Variants in SGCZ observed in about 807,000 individuals in gnomAD.
SGCZ encodes zeta-sarcoglycan.
SGCZ carries 40 observed loss-of-function variants against 41.3 expected under a neutral mutation model. The observed-to-expected ratio is 0.97, with a 90% CI of 0.75 to 1.26. The LOEUF is 1.26. SGCZ is among the 50% of genes most tolerant of loss of function. The pLI is 0.00. For missense variants in SGCZ, 552 were observed against 369.8 expected (o/e 1.49, Z -4.04); for synonymous variants, 206 against 137.5 (o/e 1.50, Z -3.49).
intron 3 of SGCZ, 73 bp from the exon 4 acceptor site, chr8:14,237,752 T>A: frequency 1.3e-5 from 17 of 1,350,390 alleles, no homozygotes; most frequent in Non-Finnish European, 1.8e-5. Context: ...TATACTGCAT[T>A]TGTTTGGATA....
intron 1 of SGCZ, among the ~76,000 whole-genome samples, chr8:14,883,835 T>C (rs1303490732): frequency 1.3e-5 from 2 of 151,524 alleles, no homozygotes; most frequent in African/African-American, 4.8e-5. Context: ...GTTGTTGTTG[T>C]TGTTTGTTTC....
At chr8:14,323,823 C>T (rs1802007283) in intron 3 of SGCZ, among the ~76,000 whole-genome samples, 2 of 152,046 alleles carry the variant, frequency 1.3e-5, no homozygotes, top group African/African-American at 4.8e-5. Context: ...TTTACTGTAA[C>T]TTTATATTTT....
intron 2 of SGCZ, among the ~76,000 whole-genome samples, chr8:14,451,636 ACT>A (rs1352852642): frequency 1.3e-5 from 2 of 152,152 alleles, no homozygotes; most frequent in Non-Finnish European, 2.9e-5. Context: ...AACTCTTAAA[ACT>A]CTATGCTAAG....
At chr8:15,179,882 C>A (rs1800115573) in intron 1 of SGCZ, among the ~76,000 whole-genome samples, 1 of 152,186 alleles carries the variant, frequency 6.6e-6, no homozygotes, top group South Asian at 2.1e-4. Flanking sequence ...ATAAGCTAAA[C>A]TGTACCACAC....
At chr8:14,560,481 C>G (rs1167579731) in intron 1 of SGCZ, among the ~76,000 whole-genome samples, 1 of 151,990 alleles carries the variant, frequency 6.6e-6, no homozygotes, top group Non-Finnish European at 1.5e-5. Flanking sequence ...TAGGAGAAAG[C>G]TGAAGACTGA....
rs1801514276 is a variant in SGCZ, at chr8:14,086,060, T to C, written c.*4383A>G. On this transcript the variant is annotated 3_prime_UTR_variant, in exon 8 of 8. Transcript: ENST00000382080. ...TTTCCTTTGTGATAATGATATTTTGTAGTGTTCATTACTGTAATATACACC... is the reference window on the plus strand; with the variant it reads ...TTTCCTTTGTGATAATGATATTTTGCAGTGTTCATTACTGTAATATACACC... Among the ~76,000 whole-genome samples the C allele has an allele frequency of 6.6e-6, 1 of 151,730 alleles. No homozygotes were observed. The highest frequency in any genetic ancestry group is 2.1e-4 in the South Asian group (1 of 4,828).
At chr8:14,797,218 G>A (rs1049396143) in intron 1 of SGCZ, among the ~76,000 whole-genome samples, 1 of 152,002 alleles carries the variant, frequency 6.6e-6, no homozygotes, top group Non-Finnish European at 1.5e-5. Context: ...GGGACTTCCT[G>A]GAGACTTGGA....
At chr8:15,038,893 C>T (rs1341620214) in intron 1 of SGCZ, among the ~76,000 whole-genome samples, 3 of 149,742 alleles carry the variant, frequency 2.0e-5, no homozygotes, top group Non-Finnish European at 4.4e-5. Flanking sequence ...CTTAACATCA[C>T]TAATCATCAG....
chr8:14,893,127 C>G (rs937890007), intron 1 of SGCZ, among the ~76,000 whole-genome samples: 1 of 152,114 alleles, frequency 6.6e-6, no homozygotes, highest in Non-Finnish European at 1.5e-5. Context: ...TCCTGGCAGG[C>G]CCCATCCAAT....
chr8:15,060,155 C>A (rs1804865818), intron 1 of SGCZ, among the ~76,000 whole-genome samples: 1 of 152,090 alleles, frequency 6.6e-6, no homozygotes, highest in Admixed American at 6.5e-5. Flanking sequence ...TTGACCCAGC[C>A]ATCCCATTAC....
At chr8:14,209,752 G>C (rs1805738295) in intron 4 of SGCZ, among the ~76,000 whole-genome samples, 1 of 152,052 alleles carries the variant, frequency 6.6e-6, no homozygotes, top group Non-Finnish European at 1.5e-5. Context: ...AAATTTATCA[G>C]CAGTAAGTAA....
Position 14,086,260 on chromosome 8 carries a change from G to T in SGCZ, c.*4183C>A, listed in dbSNP as rs150063887. The stretch of plus-strand genomic sequence containing the variant: ...AATTTGGCTATTAAATACTTTCAAT[G>T]ATTTTAATAATTTAACATTATTATG... On this transcript the variant is annotated 3_prime_UTR_variant, in exon 8 of 8. Coordinates refer to ENST00000382080, the MANE Select transcript of SGCZ (RefSeq NM_139167.4). 3.3e-5 allele frequency among the ~76,000 whole-genome samples: 5 copies of T among 151,720 alleles called. No homozygotes were observed. The highest frequency in any genetic ancestry group is 9.6e-5 in the African/African-American group (4 of 41,490).
chr8:14,359,197 A>T (rs1803413459), intron 2 of SGCZ, among the ~76,000 whole-genome samples: 1 of 152,170 alleles, frequency 6.6e-6, no homozygotes, highest in Non-Finnish European at 1.5e-5. Context: ...TCAAACTCCC[A>T]AAAGTCAAGG....
intron 1 of SGCZ, among the ~76,000 whole-genome samples, chr8:14,849,437 T>C (rs967867414): frequency 6.6e-6 from 1 of 152,102 alleles, no homozygotes; most frequent in Non-Finnish European, 1.5e-5. Context: ...AACAGGTGAA[T>C]AGATTCCATA....
At chr8:14,219,032 G>C (rs1037344217) in intron 4 of SGCZ, among the ~76,000 whole-genome samples, 44 of 152,218 alleles carry the variant, frequency 2.9e-4, no homozygotes, top group African/African-American at 9.2e-4. Flanking sequence ...AGCTTGATAA[G>C]TGGGTGCCTC....
At chr8:14,798,071 G>T (rs1359331634) in intron 1 of SGCZ, among the ~76,000 whole-genome samples, 1 of 152,164 alleles carries the variant, frequency 6.6e-6, no homozygotes, top group African/African-American at 2.4e-5. Context: ...AAATGTTGGG[G>T]CCCACTGGAA....
chr8:15,155,494 T>C (rs889559855), intron 1 of SGCZ, among the ~76,000 whole-genome samples: 1 of 152,052 alleles, frequency 6.6e-6, no homozygotes, highest in African/African-American at 2.4e-5. Flanking sequence ...TTCTAGAAAA[T>C]ATTAAAGTAG....
chr8:14,718,257 C>T (rs999290472), intron 1 of SGCZ, among the ~76,000 whole-genome samples: 29 of 151,534 alleles, frequency 1.9e-4, no homozygotes, highest in South Asian at 1.0e-3. Flanking sequence ...TTTAATTTTT[C>T]GTCAGGTAAT....
At chr8:15,125,690 T>C (rs944216674) in intron 1 of SGCZ, among the ~76,000 whole-genome samples, 1 of 152,360 alleles carries the variant, frequency 6.6e-6, no homozygotes, top group East Asian at 1.9e-4. Flanking sequence ...ATGTACTTTA[T>C]AAACTCATGT....
Sources: gnomAD v4.1 joint callset for allele counts (sites outside exome capture counted in the v4.1 genomes callset) on GRCh38, gnomAD v4.1.1 for gene constraint, MANE v1.5 for transcripts, NCBI Gene and HGNC (gene_info 2026-07-23, HGNC 2026-07-21) for gene names.